The following SBNO2 variants were observed in gnomAD, a reference collection of about 807,000 sequenced individuals.
The protein encoded by SBNO2 is strawberry notch homolog 2.
Under a neutral mutation model 146.3 loss-of-function variants are expected in SBNO2, and 89 were observed. That is an observed-to-expected ratio of 0.61 (90% CI 0.51 to 0.73). The LOEUF is 0.73. SBNO2 is among the 30% of genes least tolerant of loss of function. SBNO2 has a pLI of 0.00. For synonymous variants in SBNO2, 1,147 were observed against 892.6 expected (o/e 1.29, Z -5.08); for missense variants, 2,092 against 2,003.7 (o/e 1.04, Z -0.84).
At chr19:1,142,209 T>TCCCCTCAATGACCTCCTTCCC (rs750119865) in intron 4 of SBNO2, among the ~76,000 whole-genome samples, 2 of 958 alleles carry the variant, frequency 2.1e-3, no homozygotes, top group African/African-American at 4.9e-3. Context: ...ATGACCTCCC[T>TCCCCTCAATGACCTCCTTCCC]CATGATCAAC....
chr19:1,123,131 G>A (rs2079923850), intron 7 of SBNO2, 86 bp from the exon 8 acceptor site: 9 of 1,477,862 alleles, frequency 6.1e-6, no homozygotes, highest in South Asian at 1.2e-5. Context: ...CGGGTCTGGG[G>A]CGTGGCCAGA....
In SBNO2 at chr19:1,158,025, C is replaced by T. The variant is rs1425489718; in HGVS notation, c.-126-3623G>A. Among the ~76,000 whole-genome samples the T allele has an allele frequency of 6.6e-6, 1 of 151,036 alleles. No individual in the cohort carries two copies. Among genetic ancestry groups the T allele is most frequent in the African/African-American group, 2.5e-5 (1 of 40,642 alleles). On this transcript the variant is annotated intron_variant, in intron 1 of 31. Coordinates refer to ENST00000361757, the MANE Select transcript of SBNO2 (RefSeq NM_014963.3). This position sits in a 1 kb window ranked among gnomAD's most constrained non-coding sequence, Gnocchi z 9.9. ...CTCTCCTGAGTCTGGGTAACTGCAT[C>T]TGCCTCCCGTCTCTCTCTCCTGAGT...
rs976065496 is a variant in SBNO2 at position 1,158,261 on chromosome 19, G to A, written c.-126-3859C>T. ...CTTCGCGCGCTCCGCCCTCAGACCC[G>A]AGCCGTCTGCAGATGGGGAGCTGTG... On this transcript the variant is annotated intron_variant, in intron 1 of 31. Coordinates refer to ENST00000361757, the MANE Select transcript of SBNO2 (RefSeq NM_014963.3). This position sits in a 1 kb window ranked among gnomAD's most constrained non-coding sequence, Gnocchi z 9.9. 3.3e-5 allele frequency among the ~76,000 whole-genome samples: 5 copies of A among 152,110 alleles called. No individual in the cohort carries two copies. Among genetic ancestry groups the A allele is most frequent in the Non-Finnish European group, 7.4e-5 (5 of 68,016 alleles).
chr19:1,143,906 G>A (rs1219151547), intron 4 of SBNO2, among the ~76,000 whole-genome samples: 1 of 152,250 alleles, frequency 6.6e-6, no homozygotes, highest in East Asian at 1.9e-4. Flanking sequence ...TGCCATGAGA[G>A]GCGACACGGC....
chr19:1,150,314 G>C lies in SBNO2; in HGVS notation c.94-872C>G, dbSNP rs1009790812. Among the ~76,000 whole-genome samples, 1 of 152,146 alleles carries C rather than the reference G, an allele frequency of 6.6e-6. No homozygotes were observed. Among genetic ancestry groups the C allele is most frequent in the Non-Finnish European group, 1.5e-5 (1 of 68,006 alleles). ...GCCCAAGGGCGGCAGCGGGCCCAGG[G>C]TCAGCACCTGCGGCTTCGGGGGCAG... On this transcript the variant is annotated intron_variant, in intron 2 of 31. Coordinates refer to ENST00000361757, the MANE Select transcript of SBNO2 (RefSeq NM_014963.3). This position sits in a 1 kb window ranked among gnomAD's most constrained non-coding sequence, Gnocchi z 6.2.
chr19:1,109,787 CGGGTGGA>C lies in SBNO2; in HGVS notation c.3029-17_3029-11del. ...ATACCGGGAGCAAGGTCTAGGGGGG[CGGGTGGA>C]GGGTAAGTGGTGTCCAGGCCTGGGA... On this transcript the variant is annotated splice_polypyrimidine_tract_variant and intron_variant, in intron 26 of 31. Coordinates refer to ENST00000361757, the MANE Select transcript of SBNO2 (RefSeq NM_014963.3). This position sits in a 1 kb window ranked among gnomAD's most constrained non-coding sequence, Gnocchi z 4.2. 1 of 1,054,998 alleles carries C rather than the reference CGGGTGGA, an allele frequency of 9.5e-7. No homozygotes were observed. The highest frequency in any genetic ancestry group is 1.3e-6 in the Non-Finnish European group (1 of 757,880). 65.4% of individuals were successfully genotyped at this position (1,054,998 alleles called of 1,614,324 possible).
chr19:1,129,227 A>G (rs1466751536), intron 4 of SBNO2, among the ~76,000 whole-genome samples: 1 of 152,152 alleles, frequency 6.6e-6, no homozygotes, highest in African/African-American at 2.4e-5. Context: ...AGATCGTGCC[A>G]TTGCACTCCA....
Position 1,144,251 on chromosome 19 carries a change from C to T in SBNO2, c.279+3058G>A, listed in dbSNP as rs1476470858. On this transcript the variant is annotated intron_variant, in intron 4 of 31. Transcript: ENST00000361757. The surrounding 1 kb of genome is among the most constrained non-coding windows in gnomAD (Gnocchi z 4.1). Reference sequence around the variant, plus strand: ...GCTGACCCACACCCGTCCCATCCCACACTCAGCACTGGGGGACCACGCGGC... The same window carrying T: ...GCTGACCCACACCCGTCCCATCCCATACTCAGCACTGGGGGACCACGCGGC... Among the ~76,000 whole-genome samples the T allele has an allele frequency of 1.3e-5, 2 of 151,916 alleles. No individual in the cohort carries two copies. The highest frequency in any genetic ancestry group is 4.8e-5 in the African/African-American group (2 of 41,344).
chr19:1,155,388 T>A (rs1472655184), intron 1 of SBNO2, among the ~76,000 whole-genome samples: 1 of 152,020 alleles, frequency 6.6e-6, no homozygotes, highest in African/African-American at 2.4e-5. Flanking sequence ...TCAGGCACAG[T>A]GGGGGTCACC....
In SBNO2 at chr19:1,109,421, G is replaced by A; in HGVS notation, c.3219C>T (p.Val1073=). 4.5e-6 allele frequency: 7 copies of A among 1,564,638 alleles called. No homozygotes were observed. Among genetic ancestry groups the A allele is most frequent in the African/African-American group, 1.4e-5 (1 of 73,800 alleles). The change falls in exon 29 of 32, where the codon GTC becomes GTT. Residue 1073 remains valine (V), a splice_region_variant and synonymous_variant. Transcript: ENST00000361757. The surrounding 1 kb of genome is among the most constrained non-coding windows in gnomAD (Gnocchi z 4.2). ...GCAGGCAGCTGGGCTTGTTACCGCGGACCTGCGGAGGGGGGCGTTGAGGCC... is the reference window on the plus strand; with the variant it reads ...GCAGGCAGCTGGGCTTGTTACCGCGAACCTGCGGAGGGGGGCGTTGAGGCC... ...PYDGFYLSYK[V]RGNKPSCLLA...
At chr19:1,127,892 C>T (rs2145242111) in intron 4 of SBNO2, 127 bp from the exon 5 acceptor site, 3 of 811,290 alleles carry the variant, frequency 3.7e-6, no homozygotes, top group East Asian at 5.3e-5. Flanking sequence ...GAATGGGAGA[C>T]ACCACGGCCC....
chr19:1,116,914 C>T lies in SBNO2; in HGVS notation c.1717G>A (p.Gly573Arg). The T allele has an allele frequency of 6.4e-7, 1 of 1,559,972 alleles. No homozygotes were observed. The highest frequency in any genetic ancestry group is 8.6e-7 in the Non-Finnish European group (1 of 1,158,278). The change falls in exon 16 of 32, where the codon GGG becomes AGG. Residue 573 changes from glycine (G) to arginine (R), a missense_variant. Physicochemically the swap from Gly to Arg is moderately radical, Grantham distance 125 (BLOSUM62 -2). Coordinates refer to ENST00000361757, the MANE Select transcript of SBNO2 (RefSeq NM_014963.3). ...ELARDKCVVI[G>R]LQSTGEARTR... ...CGCGCCTCGCCCGTGGACTGCAGCCCGATGACCACGCACTGTGGGACGGCA... is the reference window on the plus strand; with the variant it reads ...CGCGCCTCGCCCGTGGACTGCAGCCTGATGACCACGCACTGTGGGACGGCA...
intron 24 of SBNO2, 96 bp downstream of exon 24, chr19:1,111,410 C>A: frequency 1.1e-6 from 1 of 887,902 alleles, no homozygotes; most frequent in Non-Finnish European, 1.8e-6. Context: ...ACTCAACACA[C>A]AACCGGCCTA....
rs777318279 is a variant in SBNO2, at chr19:1,123,964, G to A, written c.500C>T (p.Thr167Ile). 2.5e-6 allele frequency: 4 copies of A among 1,611,824 alleles called. No individual in the cohort carries two copies. Among genetic ancestry groups the A allele is most frequent in the Non-Finnish European group, 2.5e-6 (3 of 1,179,378 alleles). ...GFEDFLPSHS[T>I]PLLVSYQEQS... is the part of the protein sequence containing the mutation. ...CACCTGGTAGCTGACGAGAAGCGGG[G>A]TGCTGTGGGAGGGCAGAAAGTCCTC... The change falls in exon 6 of 32, where the codon ACC becomes ATC. Residue 167 changes from threonine (T) to isoleucine (I), a missense_variant. By Grantham distance (89) the Thr-to-Ile change is moderately conservative. Coordinates refer to ENST00000361757, the MANE Select transcript of SBNO2 (RefSeq NM_014963.3).
intron 11 of SBNO2, 145 bp from the exon 12 acceptor site, chr19:1,120,168 G>C: frequency 1.5e-6 from 1 of 650,096 alleles, no homozygotes; most frequent in South Asian, 1.9e-5. Flanking sequence ...CCAGGTCGGA[G>C]TGGCAGCCGG....
intron 19 of SBNO2, 70 bp from the exon 20 acceptor site, chr19:1,113,019 T>G: frequency 6.7e-7 from 1 of 1,491,284 alleles, no homozygotes; most frequent in South Asian, 1.3e-5. Context: ...CACCCGTGTC[T>G]CAGCTTCCCT....
At chr19:1,116,172 C>A (rs2079829902) in intron 16 of SBNO2, 69 bp from the exon 17 acceptor site, 2 of 1,436,176 alleles carry the variant, frequency 1.4e-6, no homozygotes, top group Non-Finnish European at 1.9e-6. Flanking sequence ...TCTCCAGGAG[C>A]TGGACGCACC....
chr19:1,135,655 C>T (rs116248560), intron 4 of SBNO2, among the ~76,000 whole-genome samples: 1,916 of 152,316 alleles, frequency 0.013, 47 homozygotes, highest in African/African-American at 0.044. Flanking sequence ...TGACCAGTCC[C>T]GCAGCAACGC....
intron 4 of SBNO2, chr19:1,131,982 G>A (rs2286399): frequency 0.041 from 31,911 of 769,760 alleles, 1,508 homozygotes; most frequent in East Asian, 0.18. Context: ...CGGACTCTAG[G>A]ATGAGATGCC....
Sources: allele counts gnomAD v4.1 joint callset (sites outside exome capture counted in the v4.1 genomes callset), GRCh38; gene constraint gnomAD v4.1.1; non-coding constraint Gnocchi (gnomAD v3.1); transcripts MANE v1.5; gene names NCBI Gene and HGNC (gene_info 2026-07-23, HGNC 2026-07-21).